Variants in R3HDM1 observed in about 807,000 individuals in gnomAD.
R3HDM1 encodes the protein R3H domain-containing protein 1.
In R3HDM1, 46 loss-of-function variants were observed where a neutral mutation model predicts 141.1. The ratio of observed to expected loss-of-function variants is 0.33; its 90% CI spans 0.26 to 0.42. The LOEUF is 0.42. Among genes scored for constraint, R3HDM1 ranks in the 10% least tolerant of loss-of-function variants. The pLI, the probability that R3HDM1 is intolerant of heterozygous loss-of-function variation, is 1.00. For synonymous variants in R3HDM1, 435 were observed against 472.9 expected (o/e 0.92, Z 1.04); for missense variants, 1,184 against 1,368.3 (o/e 0.87, Z 2.12).
At position 135,631,793 on chromosome 2, in the gene R3HDM1, C is replaced by G. The variant is rs564311706; in HGVS notation, c.557+16C>G. Reference sequence around the variant, plus strand: ...GTAATAATGAGTAAGTCCTGACATTCAACAAGAAAAGAAATTGTCATCACC... The same window carrying G: ...GTAATAATGAGTAAGTCCTGACATTGAACAAGAAAAGAAATTGTCATCACC... On this transcript the variant is annotated intron_variant, in intron 8 of 26. Transcript: ENST00000683871. The G allele has an allele frequency of 3.8e-6, 6 of 1,565,246 alleles. No individual in the cohort carries two copies. In the South Asian group the frequency reaches 7.2e-5, roughly 19 times the overall value.
intron 1 of R3HDM1, among the ~76,000 whole-genome samples, chr2:135,600,295 T>A (rs1047658767): frequency 2.6e-5 from 4 of 152,050 alleles, no homozygotes; most frequent in South Asian, 2.1e-4. Context: ...ATGAGAGCCA[T>A]ACACAAAAAT....
intron 3 of R3HDM1, among the ~76,000 whole-genome samples, chr2:135,606,863 G>A (rs2060115680): frequency 6.7e-6 from 1 of 150,060 alleles, no homozygotes; most frequent in African/African-American, 2.5e-5. Context: ...CATTCTATAT[G>A]CTAAAGACTT....
At chr2:135,552,494 C>T (rs952098323) in intron 1 of R3HDM1, among the ~76,000 whole-genome samples, 1 of 152,140 alleles carries the variant, frequency 6.6e-6, no homozygotes, top group African/African-American at 2.4e-5. Flanking sequence ...CCACACGCGG[C>T]CTAATCCAGA....
intron 1 of R3HDM1, among the ~76,000 whole-genome samples, chr2:135,537,059 C>T (rs529799889): frequency 6.6e-6 from 1 of 150,858 alleles, no homozygotes; most frequent in South Asian, 2.1e-4. Context: ...GCTCTTAGGA[C>T]AGAAAGAAAG....
At chr2:135,656,533 ATCT>A (rs1358336516) in intron 18 of R3HDM1, 5 of 151,822 alleles carry the variant, frequency 3.3e-5, no homozygotes, top group African/African-American at 1.2e-4. Context: ...GGCCATGCTA[ATCT>A]TCTCTGTATT....
intron 1 of R3HDM1, among the ~76,000 whole-genome samples, chr2:135,546,579 T>G (rs949640548): frequency 3.9e-5 from 6 of 152,242 alleles, no homozygotes; most frequent in Non-Finnish European, 2.9e-5. Flanking sequence ...ATATTGTTGC[T>G]GACTAAGATG....
chr2:135,698,573 A>C (rs1268709257), intron 21 of R3HDM1, among the ~76,000 whole-genome samples: 6 of 152,210 alleles, frequency 3.9e-5, no homozygotes, highest in Non-Finnish European at 8.8e-5. Flanking sequence ...ATTTCTAAGC[A>C]CTCTATATTC....
At chr2:135,723,112 A>T (rs1010464084) in intron 26 of R3HDM1, among the ~76,000 whole-genome samples, 2 of 151,462 alleles carry the variant, frequency 1.3e-5, no homozygotes, top group Admixed American at 1.3e-4. Flanking sequence ...GCTTAATTTT[A>T]TTTTTTTTAT....
At chr2:135,709,395 C>T in intron 21 of R3HDM1, 38 bp from the exon 22 acceptor site, 2 of 1,562,876 alleles carry the variant, frequency 1.3e-6, no homozygotes, top group Non-Finnish European at 1.8e-6. Context: ...TTATAGTCAT[C>T]CTCCTCTCAT....
At chr2:135,616,980 A>G (rs1031595123) in intron 5 of R3HDM1, among the ~76,000 whole-genome samples, 1 of 152,174 alleles carries the variant, frequency 6.6e-6, no homozygotes, top group African/African-American at 2.4e-5. Context: ...GAATCATGTA[A>G]TTAATTAGGA....
At chr2:135,632,343 A>C (rs1471892957) in intron 9 of R3HDM1, among the ~76,000 whole-genome samples, 4 of 151,970 alleles carry the variant, frequency 2.6e-5, no homozygotes, top group East Asian at 1.9e-4. Context: ...AAAAAAAAAA[A>C]AACACAAGAG....
chr2:135,583,942 AG>A (rs1259652862), intron 1 of R3HDM1: 2 of 985,346 alleles, frequency 2.0e-6, no homozygotes, highest in Non-Finnish European at 2.4e-6. Context: ...AACCCTGTAG[AG>A]TCAATATACT....
intron 1 of R3HDM1, among the ~76,000 whole-genome samples, chr2:135,600,158 G>C (rs2059514533): frequency 7.3e-6 from 1 of 136,982 alleles, no homozygotes; most frequent in Admixed American, 7.8e-5. Context: ...TGTTGCCTAG[G>C]CTTGTCTTGA....
chr2:135,661,098 A>G (rs1420365385), intron 18 of R3HDM1, among the ~76,000 whole-genome samples, 172 bp from the exon 19 acceptor site: 1 of 150,046 alleles, frequency 6.7e-6, no homozygotes, highest in African/African-American at 2.5e-5. Flanking sequence ...TTATATTTTT[A>G]TGCATACTTT....
chr2:135,639,439 T>C (rs1438385354), intron 14 of R3HDM1, among the ~76,000 whole-genome samples: 1 of 152,200 alleles, frequency 6.6e-6, no homozygotes, highest in East Asian at 1.9e-4. Context: ...TCTTTATTAC[T>C]TATTCGTAGT....
chr2:135,661,357 C>G lies in R3HDM1; in HGVS notation c.2116C>G (p.Leu706Val). The part of the protein sequence containing the change: ...PVPSVHYNSH[L>V]NQPLPQPAQQ... ...CCCTTCTGTTCATTACAATTCACAT[C>G]TAAACCAACCACTGCCACAACCTGC... The change falls in exon 19 of 27, where the codon CTA becomes GTA. Residue 706 changes from leucine (L) to valine (V), a missense_variant. Leu to Val is a conservative substitution (Grantham distance 32). This residue lies in a region of R3HDM1 where 563 missense variants were observed against 562.0 expected (regional missense o/e 1.00). Transcript: ENST00000683871. The G allele has an allele frequency of 3.7e-6, 6 of 1,614,026 alleles. No homozygotes were observed. The highest frequency in any genetic ancestry group is 5.1e-6 in the Non-Finnish European group (6 of 1,179,872).
chr2:135,707,612 A>T (rs1178420814), intron 21 of R3HDM1, among the ~76,000 whole-genome samples: 12 of 152,106 alleles, frequency 7.9e-5, no homozygotes, highest in Non-Finnish European at 5.9e-5. Flanking sequence ...GCTTTCACCC[A>T]CATGTCTCAG....
At chr2:135,719,619 G>A (rs369342095) in intron 24 of R3HDM1, among the ~76,000 whole-genome samples, 2 of 152,214 alleles carry the variant, frequency 1.3e-5, no homozygotes, top group African/African-American at 4.8e-5. Flanking sequence ...CTGGATGATA[G>A]GTACATTATG....
rs767379213 is a variant in R3HDM1, at chr2:135,631,953, A to T, written c.650A>T (p.Asp217Val). Residue 217 changes from aspartate to valine, a missense_variant, in exon 9 of 27, where the codon GAT (aspartate) becomes GTT (valine). Asp to Val is a radical substitution (Grantham distance 152, BLOSUM62 -3). This residue lies in a region of R3HDM1 where 240 missense variants were observed against 312.3 expected (regional missense o/e 0.77). Transcript: ENST00000683871. ...AAYFGLDHNV[D>V]QSGKSVIVNK... ...TACTTTGGATTAGACCACAATGTTG[A>T]TCAGAGTGGGAAGTCTGTCATAGTA... 1.2e-6 allele frequency: 2 copies of T among 1,612,746 alleles called. No homozygotes were observed. Among genetic ancestry groups the T allele is most frequent in the Non-Finnish European group, 1.7e-6 (2 of 1,178,994 alleles).
Sources: allele counts gnomAD v4.1 joint callset (sites outside exome capture counted in the v4.1 genomes callset), GRCh38; gene constraint gnomAD v4.1.1; regional missense constraint gnomAD v4.1.1; transcripts MANE v1.5; gene names NCBI Gene and HGNC (gene_info 2026-07-23, HGNC 2026-07-21).